The following AGO4 variants were observed in gnomAD, a reference collection of about 807,000 sequenced individuals.
AGO4 encodes protein argonaute-4.
Under a neutral mutation model 104.7 loss-of-function variants are expected in AGO4, and 33 were observed. That is an observed-to-expected ratio of 0.32 (90% CI 0.24 to 0.42). The LOEUF (loss-of-function observed/expected upper bound fraction) is 0.42, where lower values mean the gene tolerates loss of function less well. Among genes scored for constraint, AGO4 ranks in the 10% least tolerant of loss-of-function variants. AGO4 has a pLI of 1.00. For synonymous variants in AGO4, 331 were observed against 364.7 expected (o/e 0.91, Z 1.05); for missense variants, 711 against 1,083.4 (o/e 0.66, Z 4.83).
At chr1:35,823,074 CAT>C in intron 3 of AGO4, 92 bp downstream of exon 3, 9 of 1,462,134 alleles carry the variant, frequency 6.2e-6, no homozygotes, top group Non-Finnish European at 7.5e-6. Flanking sequence ...ACACAAAAAA[CAT>C]AAATGTTTGA....
intron 15 of AGO4, among the ~76,000 whole-genome samples, chr1:35,847,577 T>C (rs2148685339): frequency 6.6e-6 from 1 of 152,340 alleles, no homozygotes; most frequent in Admixed American, 6.5e-5. Flanking sequence ...AAAGCCATCC[T>C]GGGCTGCATG....
At chr1:35,846,226 G>A (rs895481720) in intron 15 of AGO4, among the ~76,000 whole-genome samples, 2 of 152,096 alleles carry the variant, frequency 1.3e-5, no homozygotes, top group Non-Finnish European at 2.9e-5. Context: ...TGTATATTAA[G>A]TCAGCCAAGC....
chr1:35,850,433 C>A (rs1479252252), intron 16 of AGO4, among the ~76,000 whole-genome samples, 175 bp downstream of exon 16: 1 of 152,042 alleles, frequency 6.6e-6, no homozygotes, highest in Non-Finnish European at 1.5e-5. Context: ...AGAAGTATTT[C>A]TGAGTTTAAG....
In AGO4 at chr1:35,850,192, A is replaced by G. The variant is rs1353862909; in HGVS notation, c.2211A>G (p.Thr737=). Reference sequence around the variant, plus strand: ...GTGGCAATGTACCAGCAGGCACTACAGTGGATAGTACCATCACACATCCAT... The same window carrying G: ...GTGGCAATGTACCAGCAGGCACTACGGTGGATAGTACCATCACACATCCAT... The part of the protein sequence containing the change: ...GKSGNVPAGT[T]VDSTITHPSE... Residue 737 remains threonine (T), a synonymous_variant, in exon 16 of 18, where the codon ACA becomes ACG. Coordinates refer to ENST00000373210, the MANE Select transcript of AGO4 (RefSeq NM_017629.4). 1 of 1,611,930 alleles carries G rather than the reference A, an allele frequency of 6.2e-7. No individual in the cohort carries two copies. Among genetic ancestry groups the G allele is most frequent in the African/African-American group, 1.3e-5 (1 of 74,854 alleles).
chr1:35,843,653 T>C (rs184963801), intron 15 of AGO4, among the ~76,000 whole-genome samples: 4 of 151,936 alleles, frequency 2.6e-5, no homozygotes, highest in East Asian at 3.9e-4. Flanking sequence ...ATAAAAGATA[T>C]GCTGTGAAAA....
At chr1:35,839,979 A>G (rs796855775) in intron 13 of AGO4, among the ~76,000 whole-genome samples, 16 of 151,918 alleles carry the variant, frequency 1.1e-4, no homozygotes, top group African/African-American at 3.6e-4. Context: ...AAAAAAAAAA[A>G]AAAGGGTATT....
intron 17 of AGO4, among the ~76,000 whole-genome samples, chr1:35,852,190 C>T (rs534976335): frequency 2.6e-5 from 4 of 152,032 alleles, no homozygotes; most frequent in Non-Finnish European, 5.9e-5. Context: ...TAAAGCAAGA[C>T]CGTGTTTGTT....
chr1:35,825,253 G>T, intron 3 of AGO4, 60 bp from the exon 4 acceptor site: 9 of 1,551,380 alleles, frequency 5.8e-6, no homozygotes, highest in Non-Finnish European at 7.9e-6. Flanking sequence ...CATATTCTTG[G>T]GATCTTTCCC....
intron 15 of AGO4, among the ~76,000 whole-genome samples, chr1:35,842,695 A>G (rs567750918): frequency 6.6e-6 from 1 of 152,160 alleles, no homozygotes; most frequent in African/African-American, 2.4e-5. Flanking sequence ...CCAGGTATCC[A>G]GGAGGCTGAG....
In AGO4 at chr1:35,835,998, G is replaced by A. The variant is rs1417602892; in HGVS notation, c.1724+5G>A. ...TGTGCTTGTGCCTCATCAAAGGTAAGATTCTGAATGCTTTCCCCACTTTTG... is the reference window on the plus strand; with the variant it reads ...TGTGCTTGTGCCTCATCAAAGGTAAAATTCTGAATGCTTTCCCCACTTTTG... On this transcript the variant is annotated splice_donor_5th_base_variant and intron_variant, in intron 13 of 17. Coordinates refer to ENST00000373210, the MANE Select transcript of AGO4 (RefSeq NM_017629.4). The A allele has an allele frequency of 6.2e-7, 1 of 1,608,468 alleles. No individual in the cohort carries two copies. The highest frequency in any genetic ancestry group is 8.5e-7 in the Non-Finnish European group (1 of 1,178,528).
rs1644808305 is a variant in AGO4 at position 35,855,953 on chromosome 1, G to A, written c.*2348G>A. 6.6e-6 allele frequency: 1 copy of A among 152,206 alleles called. No individual in the cohort carries two copies. Among genetic ancestry groups the A allele is most frequent in the Non-Finnish European group, 1.5e-5 (1 of 68,028 alleles). The allele number at this position is 152,206 out of a possible 1,614,324, so 9.4% of individuals were successfully genotyped here. On this transcript the variant is annotated 3_prime_UTR_variant, in exon 18 of 18. Coordinates refer to ENST00000373210, the MANE Select transcript of AGO4 (RefSeq NM_017629.4). The stretch of plus-strand genomic sequence containing the variant: ...TGCTTATTAATAACGCACAGAAGAA[G>A]CATCACTTCTCACCATCTCCTGGCA...
chr1:35,832,259 T>A, intron 10 of AGO4, 74 bp downstream of exon 10: 1 of 1,573,596 alleles, frequency 6.4e-7, no homozygotes, highest in Non-Finnish European at 8.6e-7. Flanking sequence ...GTTTCTCTAC[T>A]CTGCCACTGC....
At chr1:35,828,140 T>C (rs974792780) in intron 7 of AGO4, among the ~76,000 whole-genome samples, 1 of 152,088 alleles carries the variant, frequency 6.6e-6, no homozygotes, top group Non-Finnish European at 1.5e-5. Context: ...AAATAAAATA[T>C]ATGAGAAGAC....
chr1:35,843,179 C>T (rs1351002769), intron 15 of AGO4, among the ~76,000 whole-genome samples: 1 of 152,110 alleles, frequency 6.6e-6, no homozygotes, highest in Non-Finnish European at 1.5e-5. Flanking sequence ...GATTCTCCTG[C>T]CTCACCCTCC....
rs891520032 is a variant in AGO4 at position 35,856,991 on chromosome 1, C to G, written c.*3386C>G. Reference sequence around the variant, plus strand: ...GGGCAGCAGAACATATTCATTCTTACTGTAAATTCTATTTGCTGCTTCCAA... The same window carrying G: ...GGGCAGCAGAACATATTCATTCTTAGTGTAAATTCTATTTGCTGCTTCCAA... On this transcript the variant is annotated 3_prime_UTR_variant, in exon 18 of 18. Coordinates refer to ENST00000373210, the MANE Select transcript of AGO4 (RefSeq NM_017629.4). 6.6e-6 allele frequency: 1 copy of G among 152,184 alleles called. No individual in the cohort carries two copies. The highest frequency in any genetic ancestry group is 1.5e-5 in the Non-Finnish European group (1 of 68,038). 9.4% of individuals were successfully genotyped at this position (152,184 alleles called of 1,614,324 possible).
At chr1:35,820,445 C>T (rs900691374) in intron 2 of AGO4, among the ~76,000 whole-genome samples, 1 of 152,080 alleles carries the variant, frequency 6.6e-6, no homozygotes, top group African/African-American at 2.4e-5. Flanking sequence ...GAAACCTCCA[C>T]TTCTGGGGTT....
Position 35,857,171 on chromosome 1 carries a change from G to A in AGO4, c.*3566G>A, listed in dbSNP as rs1644835477. The stretch of plus-strand genomic sequence containing the variant: ...TAACAAGGCTCACCCTCTCCACCCT[G>A]TCCTAACGACCTTTTGTGAATGTGC... On this transcript the variant is annotated 3_prime_UTR_variant, in exon 18 of 18. Transcript: ENST00000373210. The A allele has an allele frequency of 6.6e-6, 1 of 152,156 alleles. No homozygotes were observed. Among genetic ancestry groups the A allele is most frequent in the Non-Finnish European group, 1.5e-5 (1 of 68,026 alleles). 9.4% of individuals were successfully genotyped at this position (152,156 alleles called of 1,614,324 possible).
At chr1:35,842,933 C>T (rs1299280793) in intron 15 of AGO4, among the ~76,000 whole-genome samples, 1 of 152,140 alleles carries the variant, frequency 6.6e-6, no homozygotes, top group Non-Finnish European at 1.5e-5. Context: ...TTCATCTTGT[C>T]CAGGCCCTCT....
At chr1:35,834,534 AG>A (rs1189348921) in intron 12 of AGO4, among the ~76,000 whole-genome samples, 2 of 152,232 alleles carry the variant, frequency 1.3e-5, no homozygotes, top group African/African-American at 2.4e-5. Context: ...ATACTACCAT[AG>A]GCCTGGAAGC....
Sources: allele counts gnomAD v4.1 joint callset (sites outside exome capture counted in the v4.1 genomes callset), GRCh38; gene constraint gnomAD v4.1.1; transcripts MANE v1.5; gene names NCBI Gene and HGNC (gene_info 2026-07-23, HGNC 2026-07-21).